Variants in BBS1 observed in about 807,000 individuals in gnomAD.
BBS1 encodes BBSome complex member BBS1.
BBS1 carries 60 observed loss-of-function variants against 73.9 expected under a neutral mutation model. That is an observed-to-expected ratio of 0.81 (90% confidence interval 0.66 to 1.01). The LOEUF is 1.01. Ranked by LOEUF, BBS1 falls within the 50% of genes least tolerant of loss-of-function variation. The pLI is 0.00. For synonymous variants in BBS1, 283 were observed against 317.4 expected (o/e 0.89, Z 1.15); for missense variants, 718 against 770.3 (o/e 0.93, Z 0.80).
chr11:66,524,920 G>A (rs913387334), intron 11 of BBS1, among the ~76,000 whole-genome samples: 8 of 152,048 alleles, frequency 5.3e-5, no homozygotes, highest in Non-Finnish European at 1.0e-4. Context: ...CCGGGTATGG[G>A]CCGGGCACGG....
chr11:66,514,392 T>C lies in BBS1; in HGVS notation c.160-14T>C, dbSNP rs1263407988. 1 of 1,613,886 alleles carries C rather than the reference T, an allele frequency of 6.2e-7. No individual in the cohort carries two copies. The highest frequency in any genetic ancestry group is 1.1e-5 in the South Asian group (1 of 91,078). On this transcript the variant is annotated splice_polypyrimidine_tract_variant and intron_variant, in intron 3 of 16. Transcript: ENST00000318312. ...CAGACCCTGAGCCTAGAATGAGCCA[T>C]CCTCTCCCTGCAGCTGGTGGTAGGG...
intron 3 of BBS1, among the ~76,000 whole-genome samples, chr11:66,512,722 G>A (rs1280698603): frequency 6.6e-6 from 1 of 152,162 alleles, no homozygotes; most frequent in Non-Finnish European, 1.5e-5. Context: ...TGTAATCCCA[G>A]CACTTTAGGA....
chr11:66,520,918 C>G (rs930977414), intron 8 of BBS1: 2 of 348,638 alleles, frequency 5.7e-6, no homozygotes, highest in Non-Finnish European at 1.1e-5. Flanking sequence ...AAAGTTTTGC[C>G]ATGTTGGACA....
intron 13 of BBS1, chr11:66,529,320 T>C: frequency 2.6e-6 from 4 of 1,536,250 alleles, no homozygotes; most frequent in Non-Finnish European, 3.5e-6. Context: ...ACCATGAGGC[T>C]GGTTTCCGCA....
At chr11:66,523,685 G>A (rs766632086) in intron 10 of BBS1, 39 bp from the exon 11 acceptor site, 1 of 1,610,000 alleles carries the variant, frequency 6.2e-7, no homozygotes, top group Non-Finnish European at 8.5e-7. Flanking sequence ...TCCACTGTAA[G>A]CCCTGAGCCC....
At chr11:66,523,049 C>T in intron 9 of BBS1, 1 of 420,644 alleles carries the variant, frequency 2.4e-6, no homozygotes, top group South Asian at 1.7e-5. Flanking sequence ...GGCCAGTAAA[C>T]TAAAAACTGC....
At chr11:66,523,204 C>T (rs575770354) in intron 9 of BBS1, 4 of 616,774 alleles carry the variant, frequency 6.5e-6, no homozygotes, top group East Asian at 3.4e-5. Context: ...TGAAGGTGGG[C>T]GGAAGACAAG....
chr11:66,529,246 A>G, intron 13 of BBS1: 1 of 1,512,932 alleles, frequency 6.6e-7, no homozygotes. Context: ...GATCCTGCAA[A>G]CGGTGAGATG....
intron 4 of BBS1, 57 bp from the exon 5 acceptor site, chr11:66,515,483 G>C: frequency 6.3e-7 from 1 of 1,588,438 alleles, no homozygotes. Flanking sequence ...TGGGGGTGTA[G>C]ACATTGGGTT....
At position 66,531,945 on chromosome 11, in the gene BBS1, C is replaced by T; in HGVS notation, c.1696-6C>T. On this transcript the variant is annotated splice_region_variant and splice_polypyrimidine_tract_variant and intron_variant, in intron 16 of 16. Coordinates refer to ENST00000318312, the MANE Select transcript of BBS1 (RefSeq NM_024649.5). Reference sequence around the variant, plus strand: ...GCCCCCTGCTGCCATGGCCACTCCTCCATAGGTGCTGGTGCTTCGAGAAGG... The same window carrying T: ...GCCCCCTGCTGCCATGGCCACTCCTTCATAGGTGCTGGTGCTTCGAGAAGG... 1 of 1,584,024 alleles carries T rather than the reference C, an allele frequency of 6.3e-7. No individual in the cohort carries two copies. Among genetic ancestry groups the T allele is most frequent in the South Asian group, 1.1e-5 (1 of 87,598 alleles).
At chr11:66,512,215 C>T (rs1487069015) in intron 3 of BBS1, among the ~76,000 whole-genome samples, 2 of 151,878 alleles carry the variant, frequency 1.3e-5, no homozygotes, top group Non-Finnish European at 2.9e-5. Context: ...CATGGAGGCA[C>T]ATAAACATGG....
At chr11:66,510,884 T>A in intron 1 of BBS1, 129 bp from the exon 2 acceptor site, 1 of 1,370,706 alleles carries the variant, frequency 7.3e-7, no homozygotes, top group Non-Finnish European at 1.0e-6. Context: ...GGTGAGCCAG[T>A]GGCGGAGCCT....
Position 66,532,009 on chromosome 11 carries a change from C to T in BBS1, c.1754C>T (p.Pro585Leu). ...APLLSAHVNM[P>L]GSEGLAAA ...CTGCTGAGTGCCCACGTCAACATGC[C>T]TGGGAGCGAGGGGCTGGCGGCCGCC... Residue 585 changes from proline (P) to leucine (L), a missense_variant, in exon 17 of 17, where the codon CCT becomes CTT. Pro to Leu is a moderately conservative substitution (Grantham distance 98, BLOSUM62 -3). Coordinates refer to ENST00000318312, the MANE Select transcript of BBS1 (RefSeq NM_024649.5). The T allele has an allele frequency of 6.2e-7, 1 of 1,607,956 alleles. No individual in the cohort carries two copies. Among genetic ancestry groups the T allele is most frequent in the Non-Finnish European group, 8.5e-7 (1 of 1,177,866 alleles).
Position 66,511,050 on chromosome 11 carries a change from G to T in BBS1, c.85G>T (p.Asp29Tyr). The change falls in exon 2 of 17, where the codon GAC becomes TAC. Residue 29 changes from aspartate to tyrosine, a missense_variant. Physicochemically the swap from Asp to Tyr is radical, Grantham distance 160 (BLOSUM62 -3). Transcript: ENST00000318312. Reference protein sequence around the residue: ...ANSKWLDAHYDPMANIHTFSA... With the variant: ...ANSKWLDAHYYPMANIHTFSA... ...TTCGAAGTGGTTGGATGCGCACTACGACCCAATGGCCAATATCCACACCTT... is the reference window on the plus strand; with the variant it reads ...TTCGAAGTGGTTGGATGCGCACTACTACCCAATGGCCAATATCCACACCTT... 1 of 1,614,042 alleles carries T rather than the reference G, an allele frequency of 6.2e-7. No homozygotes were observed. Among genetic ancestry groups the T allele is most frequent in the Non-Finnish European group, 8.5e-7 (1 of 1,180,030 alleles).
intron 7 of BBS1, among the ~76,000 whole-genome samples, chr11:66,519,165 A>G (rs1357389768): frequency 1.3e-5 from 2 of 152,160 alleles, no homozygotes; most frequent in Admixed American, 1.3e-4. Context: ...CGGGTGGATC[A>G]CAGGTCAGGA....
intron 13 of BBS1, 106 bp from the exon 14 acceptor site, chr11:66,529,710 CCCT>C: frequency 1.4e-6 from 2 of 1,388,164 alleles, no homozygotes; most frequent in Non-Finnish European, 2.0e-6. Flanking sequence ...TCCTGCAGCA[CCCT>C]CCTCTTGCAC....
At position 66,521,340 on chromosome 11, in the gene BBS1, C is replaced by G. The variant is rs372939761; in HGVS notation, c.794C>G (p.Ala265Gly). 1 of 1,614,178 alleles carries G rather than the reference C, an allele frequency of 6.2e-7. No individual in the cohort carries two copies. The highest frequency in any genetic ancestry group is 8.5e-7 in the Non-Finnish European group (1 of 1,180,032). Residue 265 changes from alanine to glycine, a missense_variant, in exon 9 of 17, where the codon GCG becomes GGG. Ala to Gly is a moderately conservative substitution (Grantham distance 60). Transcript: ENST00000318312. The stretch of plus-strand genomic sequence containing the variant: ...TTTGATGTTGAGTTCCGGCTTGCCG[C>G]GGCCTGCCGCAATGGAAACATCTAT... ...GQFDVEFRLA[A>G]ACRNGNIYIL...
intron 13 of BBS1, chr11:66,529,155 C>A (rs1413931729): frequency 2.2e-6 from 2 of 924,076 alleles, no homozygotes; most frequent in Non-Finnish European, 2.5e-6. Context: ...CCTGGGGGAC[C>A]GAGGTGCCCA....
At chr11:66,512,077 CAT>C (rs1855966912) in intron 3 of BBS1, among the ~76,000 whole-genome samples, 1 of 138,310 alleles carries the variant, frequency 7.2e-6, no homozygotes, top group Admixed American at 7.2e-5. Context: ...TATATATATA[CAT>C]ATATTTAATT....
Sources: allele counts gnomAD v4.1 joint callset (sites outside exome capture counted in the v4.1 genomes callset), GRCh38; gene constraint gnomAD v4.1.1; transcripts MANE v1.5; gene names NCBI Gene and HGNC (gene_info 2026-07-23, HGNC 2026-07-21).